Variants in RETREG1 observed in about 807,000 individuals in gnomAD.
RETREG1 encodes the protein family with sequence similarity 134 member B.
In RETREG1, 44 loss-of-function variants were observed where a neutral mutation model predicts 54.8. That is an observed-to-expected ratio of 0.80 (90% CI 0.63 to 1.03). RETREG1 has a LOEUF of 1.03. RETREG1 is among the 50% of genes least tolerant of loss of function. The pLI, the probability that RETREG1 is intolerant of heterozygous loss-of-function variation, is 0.00. For synonymous variants in RETREG1, 217 were observed against 238.5 expected (o/e 0.91, Z 0.83); for missense variants, 554 against 605.1 (o/e 0.92, Z 0.89).
intron 2 of RETREG1, among the ~76,000 whole-genome samples, chr5:16,570,102 G>T (rs562784035): frequency 6.6e-6 from 1 of 152,312 alleles, no homozygotes; most frequent in African/African-American, 2.4e-5. Flanking sequence ...GAAACACCAG[G>T]TTTGTGGTCA....
At chr5:16,567,822 G>A (rs1177026968) in intron 2 of RETREG1, among the ~76,000 whole-genome samples, 2 of 152,074 alleles carry the variant, frequency 1.3e-5, no homozygotes, top group African/African-American at 4.8e-5. Flanking sequence ...TTAGCCAAGT[G>A]TGGTGGCATG....
chr5:16,523,581 T>C (rs1372917504), intron 3 of RETREG1, among the ~76,000 whole-genome samples: 1 of 152,120 alleles, frequency 6.6e-6, no homozygotes, highest in Non-Finnish European at 1.5e-5. Flanking sequence ...TTGGATAAAG[T>C]AGCTTGCCAA....
At chr5:16,498,769 G>A (rs2126545930) in intron 3 of RETREG1, among the ~76,000 whole-genome samples, 1 of 152,342 alleles carries the variant, frequency 6.6e-6, no homozygotes, top group South Asian at 2.1e-4. Flanking sequence ...GATGGAGCTT[G>A]TAGGACTGGA....
chr5:16,551,370 GT>G (rs1326845776), intron 3 of RETREG1, among the ~76,000 whole-genome samples: 1 of 152,096 alleles, frequency 6.6e-6, no homozygotes, highest in African/African-American at 2.4e-5. Flanking sequence ...ACTTTCCCTG[GT>G]GCTCTTAGAA....
At chr5:16,590,961 GCA>G (rs939273688) in intron 1 of RETREG1, among the ~76,000 whole-genome samples, 1 of 151,612 alleles carries the variant, frequency 6.6e-6, no homozygotes, top group African/African-American at 2.4e-5. Context: ...AAACACACAT[GCA>G]CACACACACA....
intron 1 of RETREG1, among the ~76,000 whole-genome samples, chr5:16,576,526 C>T (rs1742324392): frequency 6.6e-6 from 1 of 151,768 alleles, no homozygotes; most frequent in African/African-American, 2.4e-5. Flanking sequence ...GCTCTTGTTG[C>T]CCAGGCTGGA....
At chr5:16,556,759 A>C (rs948760749) in intron 3 of RETREG1, among the ~76,000 whole-genome samples, 2 of 152,184 alleles carry the variant, frequency 1.3e-5, no homozygotes, top group Non-Finnish European at 2.9e-5. Flanking sequence ...AGGAATATGC[A>C]ATCAGGTACG....
chr5:16,616,725 C>G lies in RETREG1; in HGVS notation c.247G>C (p.Ala83Pro). 2 of 1,583,264 alleles carry G rather than the reference C, an allele frequency of 1.3e-6. No homozygotes were observed. The highest frequency in any genetic ancestry group is 1.7e-5 in the Admixed American group (1 of 58,184). Residue 83 changes from alanine to proline, a missense_variant, in exon 1 of 9, where the codon GCC becomes CCC. Physicochemically the swap from Ala to Pro is conservative, Grantham distance 27 (BLOSUM62 -1). Coordinates refer to ENST00000306320, the MANE Select transcript of RETREG1 (RefSeq NM_001034850.3). ...CTCTTCCAGCTCAGCAGCTCGTCGG[C>G]GCGGCAGCCCAGCCACAGCACCGGC... ...GEPVLWLGCR[A>P]DELLSWKRPL...
intron 3 of RETREG1, among the ~76,000 whole-genome samples, chr5:16,496,102 C>T (rs2166383): frequency 0.23 from 34,537 of 151,952 alleles, 4,223 homozygotes; most frequent in Middle Eastern, 0.29. Flanking sequence ...CCCCCCAAAC[C>T]TTTTTAGTTT....
chr5:16,511,731 C>A (rs971278399), intron 3 of RETREG1, among the ~76,000 whole-genome samples: 1 of 152,088 alleles, frequency 6.6e-6, no homozygotes, highest in Non-Finnish European at 1.5e-5. Flanking sequence ...GCAGGCTGTA[C>A]AGGAAGCATG....
intron 1 of RETREG1, among the ~76,000 whole-genome samples, chr5:16,583,733 C>T (rs570842601): frequency 1.3e-5 from 2 of 152,234 alleles, no homozygotes; most frequent in African/African-American, 4.8e-5. Context: ...AAATCTAACC[C>T]TCATTTCTGA....
rs1041580729 is a variant in RETREG1 at position 16,478,700 on chromosome 5, A to G, written c.808+150T>C. The stretch of plus-strand genomic sequence containing the variant: ...AAAGAAGGAAAGCCCAAATAGGAAA[A>G]GGATATATATAACTTTGAGGGAGAT... On this transcript the variant is annotated intron_variant, in intron 6 of 8. Coordinates refer to ENST00000306320, the MANE Select transcript of RETREG1 (RefSeq NM_001034850.3). 3 of 679,048 alleles carry G rather than the reference A, an allele frequency of 4.4e-6. No individual in the cohort carries two copies. In the African/African-American group the frequency reaches 5.5e-5, roughly 12 times the overall value. The allele number at this position is 679,048 out of a possible 1,614,324, so 42.1% of individuals were successfully genotyped here.
At chr5:16,505,173 G>A (rs1440611458) in intron 3 of RETREG1, among the ~76,000 whole-genome samples, 1 of 152,148 alleles carries the variant, frequency 6.6e-6, no homozygotes, top group Non-Finnish European at 1.5e-5. Context: ...CTGTGAGGAC[G>A]CAAAACTGGT....
intron 1 of RETREG1, among the ~76,000 whole-genome samples, chr5:16,576,484 A>ATTTATATT (rs1393178766): frequency 5.2e-4 from 77 of 147,972 alleles, no homozygotes; most frequent in Middle Eastern, 6.9e-3. Context: ...TTTTTTATTT[A>ATTTATATT]TTTATTTTTT....
At chr5:16,532,391 G>A (rs939921809) in intron 3 of RETREG1, among the ~76,000 whole-genome samples, 1 of 152,184 alleles carries the variant, frequency 6.6e-6, no homozygotes, top group Non-Finnish European at 1.5e-5. Context: ...TGGGCATGGT[G>A]GCACGCACCT....
intron 4 of RETREG1, among the ~76,000 whole-genome samples, chr5:16,482,366 T>C (rs902991075): frequency 1.3e-5 from 2 of 151,946 alleles, no homozygotes; most frequent in African/African-American, 4.8e-5. Context: ...GTTTGAAGTT[T>C]AGAATCTTCC....
At chr5:16,538,206 C>T (rs1182774438) in intron 3 of RETREG1, among the ~76,000 whole-genome samples, 2 of 152,040 alleles carry the variant, frequency 1.3e-5, no homozygotes, top group Admixed American at 6.6e-5. Context: ...CGCCTGGCTC[C>T]GACTCTGAAG....
intron 1 of RETREG1, among the ~76,000 whole-genome samples, chr5:16,589,770 A>C (rs1316240243): frequency 6.6e-6 from 1 of 152,220 alleles, no homozygotes; most frequent in Non-Finnish European, 1.5e-5. Flanking sequence ...CTCTGTGGCC[A>C]AGCCTGAGAC....
chr5:16,543,950 A>G (rs1009462201), intron 3 of RETREG1, among the ~76,000 whole-genome samples: 2 of 132,848 alleles, frequency 1.5e-5, no homozygotes, highest in Non-Finnish European at 3.3e-5. Context: ...TGGATTTTTT[A>G]TGGGTTTGTT....
Sources: allele counts gnomAD v4.1 joint callset (sites outside exome capture counted in the v4.1 genomes callset), GRCh38; gene constraint gnomAD v4.1.1; transcripts MANE v1.5; gene names NCBI Gene and HGNC (gene_info 2026-07-23, HGNC 2026-07-21).